Variants in SUMF1 observed in about 807,000 individuals in gnomAD.
The protein encoded by SUMF1 is sulfatase modifying factor 1.
In SUMF1, 48 loss-of-function variants were observed where a neutral mutation model predicts 47.6. That is an observed-to-expected ratio of 1.01 (90% CI 0.80 to 1.28). SUMF1 has a LOEUF of 1.28. SUMF1 is among the 50% of genes most tolerant of loss of function. The pLI, the probability that SUMF1 is intolerant of heterozygous loss-of-function variation, is 0.00. For synonymous variants in SUMF1, 230 were observed against 192.1 expected, an observed-to-expected ratio of 1.20 and a Z score of -1.63; for missense variants, 571 against 485.4, an observed-to-expected ratio of 1.18 and a Z score of -1.66.
intron 8 of SUMF1, among the ~76,000 whole-genome samples, chr3:4,073,772 T>G (rs1178498557): frequency 6.6e-6 from 1 of 152,122 alleles, no homozygotes; most frequent in Non-Finnish European, 1.5e-5. Context: ...AGGGATCAAT[T>G]CAACAAGAAG....
At chr3:4,316,904 A>G (rs1330251892) in intron 8 of SUMF1, 1 of 1,549,276 alleles carries the variant, frequency 6.5e-7, no homozygotes, top group African/African-American at 1.4e-5. Flanking sequence ...AAAAACTGCA[A>G]CGCCTGCAGC....
chr3:4,281,701 G>T (rs992008016), intron 8 of SUMF1, among the ~76,000 whole-genome samples: 2 of 151,746 alleles, frequency 1.3e-5, no homozygotes, highest in Non-Finnish European at 2.9e-5. Context: ...AAAAACAGGG[G>T]GAAAGGAAAA....
intron 9 of SUMF1, among the ~76,000 whole-genome samples, chr3:4,051,811 G>T (rs1695116302): frequency 6.6e-6 from 1 of 152,140 alleles, no homozygotes; most frequent in Admixed American, 6.5e-5. Context: ...CATCGGAAAA[G>T]ACCTGGCTGT....
At chr3:4,392,586 G>GAT (rs1343165568) in intron 7 of SUMF1, among the ~76,000 whole-genome samples, 12 of 131,238 alleles carry the variant, frequency 9.1e-5, no homozygotes, top group African/African-American at 3.4e-4. Context: ...TATATGTTCA[G>GAT]ATATATATGT....
chr3:4,442,308 T>G (rs944880158), intron 3 of SUMF1, among the ~76,000 whole-genome samples: 25 of 147,370 alleles, frequency 1.7e-4, no homozygotes, highest in African/African-American at 4.5e-4. Flanking sequence ...CAGGCTGGAG[T>G]GCGGTGGCGC....
intron 8 of SUMF1, among the ~76,000 whole-genome samples, chr3:4,175,395 C>T (rs755321062): frequency 1.3e-5 from 2 of 152,184 alleles, no homozygotes; most frequent in African/African-American, 2.4e-5. Flanking sequence ...CCCAGGCAAA[C>T]AGGGTCTGGA....
intron 8 of SUMF1, among the ~76,000 whole-genome samples, chr3:4,157,641 C>A (rs1694485140): frequency 6.6e-6 from 1 of 151,506 alleles, no homozygotes; most frequent in South Asian, 2.1e-4. Context: ...TCTCTCTAAT[C>A]ATCAGAGTGA....
At chr3:4,459,002 A>C (rs999830149) in intron 1 of SUMF1, among the ~76,000 whole-genome samples, 3 of 152,180 alleles carry the variant, frequency 2.0e-5, no homozygotes, top group African/African-American at 7.2e-5. Context: ...AGTTGAACTA[A>C]TTGAAGTAGA....
At chr3:4,212,985 T>C (rs1030758856) in intron 8 of SUMF1, among the ~76,000 whole-genome samples, 8 of 152,090 alleles carry the variant, frequency 5.3e-5, no homozygotes, top group Non-Finnish European at 1.0e-4. Context: ...TGGAAAACAC[T>C]CTTCAGGATA....
intron 8 of SUMF1, among the ~76,000 whole-genome samples, chr3:4,290,764 G>T (rs368337952): frequency 6.6e-6 from 1 of 152,070 alleles, no homozygotes; most frequent in Non-Finnish European, 1.5e-5. Flanking sequence ...TAGGTATTTT[G>T]AGGATATGTG....
intron 8 of SUMF1, among the ~76,000 whole-genome samples, chr3:4,279,393 G>C (rs767573864): frequency 6.6e-6 from 1 of 152,050 alleles, no homozygotes; most frequent in Non-Finnish European, 1.5e-5. Context: ...AAAACAGCCT[G>C]CATGCCCATC....
chr3:4,108,346 A>T (rs889282345), intron 8 of SUMF1, among the ~76,000 whole-genome samples: 13 of 152,030 alleles, frequency 8.6e-5, no homozygotes, highest in Non-Finnish European at 4.4e-5. Flanking sequence ...CTTCCAACTA[A>T]GTGGTCAATT....
chr3:4,035,253 C>A (rs999028225), intron 9 of SUMF1, among the ~76,000 whole-genome samples: 2 of 152,132 alleles, frequency 1.3e-5, no homozygotes, highest in Non-Finnish European at 2.9e-5. Context: ...TCTCACAGAT[C>A]TGGAGGCTGG....
chr3:4,258,506 GA>G (rs1190598587), intron 8 of SUMF1, among the ~76,000 whole-genome samples: 4 of 149,340 alleles, frequency 2.7e-5, no homozygotes, highest in African/African-American at 5.0e-5. Context: ...AAAAACACAT[GA>G]AAAAATGCTC....
At chr3:4,152,671 T>C (rs1471619053) in intron 8 of SUMF1, among the ~76,000 whole-genome samples, 1 of 151,382 alleles carries the variant, frequency 6.6e-6, no homozygotes, top group African/African-American at 2.5e-5. Flanking sequence ...TCAATACAAA[T>C]AACTTACTTC....
At chr3:4,155,148 G>A (rs1394503539) in intron 8 of SUMF1, among the ~76,000 whole-genome samples, 1 of 151,466 alleles carries the variant, frequency 6.6e-6, no homozygotes, top group Non-Finnish European at 1.5e-5. Flanking sequence ...CCTGACATGA[G>A]GCATGCTTTT....
At chr3:4,046,235 G>T (rs1317604935) in intron 9 of SUMF1, among the ~76,000 whole-genome samples, 1 of 152,092 alleles carries the variant, frequency 6.6e-6, no homozygotes, top group African/African-American at 2.4e-5. Flanking sequence ...AGGACCCCTG[G>T]CCCAAGTCGT....
At chr3:4,453,356 G>A (rs1173106784) in intron 1 of SUMF1, among the ~76,000 whole-genome samples, 1 of 152,078 alleles carries the variant, frequency 6.6e-6, no homozygotes, top group Non-Finnish European at 1.5e-5. Context: ...TGCAGAGGTA[G>A]CGAGAATATC....
intron 8 of SUMF1, among the ~76,000 whole-genome samples, chr3:4,129,979 G>T (rs1471300758): frequency 6.6e-6 from 1 of 152,094 alleles, no homozygotes; most frequent in East Asian, 1.9e-4. Flanking sequence ...ATTACAGTAA[G>T]AAAGGCCAAA....
Sources: allele counts gnomAD v4.1 joint callset (sites outside exome capture counted in the v4.1 genomes callset), GRCh38; gene constraint gnomAD v4.1.1; transcripts MANE v1.5; gene names NCBI Gene and HGNC (gene_info 2026-07-23, HGNC 2026-07-21).